Variants in SCRG1 observed in about 807,000 individuals in gnomAD.
The protein encoded by SCRG1 is stimulator of chondrogenesis 1, also known as scrapie-responsive protein 1.
Under a neutral mutation model 7.7 loss-of-function variants are expected in SCRG1, and 3 were observed. That is an observed-to-expected ratio of 0.39 (90% confidence interval 0.18 to 1.01). The LOEUF (loss-of-function observed/expected upper bound fraction) is 1.01. Among genes scored for constraint, SCRG1 ranks in the 50% least tolerant of loss-of-function variants. The pLI is 0.36. For synonymous variants in SCRG1, 46 were observed against 41.2 expected (o/e 1.12, Z -0.44); for missense variants, 110 against 117.2 (o/e 0.94, Z 0.28).
chr4:173,472,215 A>T, the SCRG1 span, among the ~76,000 whole-genome samples: 2 of 152,204 alleles, frequency 1.3e-5, no homozygotes, highest in Admixed American at 1.3e-4. Flanking sequence ...AACTAATAAT[A>T]TGCAAGGTGT....
At chr4:173,486,872 A>G in the SCRG1 span, among the ~76,000 whole-genome samples, 19 of 152,268 alleles carry the variant, frequency 1.2e-4, no homozygotes, top group East Asian at 2.9e-3. Flanking sequence ...GCCCTCTTCC[A>G]GGGTTCCTGT....
At chr4:173,508,475 G>A in the SCRG1 span, among the ~76,000 whole-genome samples, 1 of 152,104 alleles carries the variant, frequency 6.6e-6, no homozygotes. The surrounding 1 kb of genome is among the most constrained non-coding windows in gnomAD (Gnocchi z 4.4). Context: ...CACACATGGA[G>A]GGGTTTGAAC....
chr4:173,452,765 G>T, the SCRG1 span, among the ~76,000 whole-genome samples: 1 of 151,982 alleles, frequency 6.6e-6, no homozygotes, highest in Non-Finnish European at 1.5e-5. Flanking sequence ...AGAGTTTTTT[G>T]CTATGATGAT....
chr4:173,418,663 A>G, the SCRG1 span, among the ~76,000 whole-genome samples: 1 of 151,958 alleles, frequency 6.6e-6, no homozygotes, highest in Admixed American at 6.6e-5. Flanking sequence ...GGGTCTGTAT[A>G]CCCACCCAAA....
chr4:173,405,459 C>A (rs1739876050), intron 1 of SCRG1, among the ~76,000 whole-genome samples: 3 of 152,138 alleles, frequency 2.0e-5, no homozygotes, highest in African/African-American at 4.8e-5. Context: ...TTCCATAGTA[C>A]ACTCTGTGGA....
chr4:173,421,656 C>G, the SCRG1 span, among the ~76,000 whole-genome samples: 6 of 152,242 alleles, frequency 3.9e-5, no homozygotes, highest in Admixed American at 3.3e-4. Context: ...ACCTTTTCTA[C>G]TTCACAACAT....
chr4:173,422,131 T>C, the SCRG1 span, among the ~76,000 whole-genome samples: 2 of 152,338 alleles, frequency 1.3e-5, no homozygotes, highest in Non-Finnish European at 2.9e-5. Flanking sequence ...AAGATTAAGC[T>C]TGCCAAACTT....
chr4:173,419,499 C>T, the SCRG1 span: 2 of 775,856 alleles, frequency 2.6e-6, no homozygotes, highest in Non-Finnish European at 4.4e-6. Flanking sequence ...TTTTCATCTT[C>T]TTCTATTAAG....
intron 1 of SCRG1, among the ~76,000 whole-genome samples, chr4:173,394,810 G>C (rs570457491): frequency 6.6e-6 from 1 of 152,130 alleles, no homozygotes; most frequent in East Asian, 1.9e-4. Flanking sequence ...TTAAATTATA[G>C]TTATTTTAAT....
the SCRG1 span, among the ~76,000 whole-genome samples, chr4:173,443,943 TTGTGTGTGTGTGTGTGTGTGTGTGTG>T: frequency 7.2e-6 from 1 of 138,796 alleles, no homozygotes; most frequent in South Asian, 2.5e-4. Context: ...AGAGCTTGTT[TTGTGTGTGTGTGTGTGTGTGTGTGTG>T]TGTGTGTGTG....
the SCRG1 span, among the ~76,000 whole-genome samples, chr4:173,432,649 G>T: frequency 1.3e-5 from 2 of 152,164 alleles, no homozygotes; most frequent in Non-Finnish European, 1.5e-5. Context: ...GTTCTGTCAG[G>T]TGCCTCCTCC....
At chr4:173,418,814 A>T in the SCRG1 span, among the ~76,000 whole-genome samples, 2 of 151,860 alleles carry the variant, frequency 1.3e-5, no homozygotes, top group Non-Finnish European at 2.9e-5. Flanking sequence ...AGTGTGTAAC[A>T]CTTCCCCCTT....
chr4:173,389,140 A>T (rs1038476129), intron 2 of SCRG1, among the ~76,000 whole-genome samples: 2 of 152,234 alleles, frequency 1.3e-5, no homozygotes, highest in Non-Finnish European at 2.9e-5. Flanking sequence ...CTGTCACTTC[A>T]TGAGATTAAT....
intron 1 of SCRG1, among the ~76,000 whole-genome samples, chr4:173,392,666 A>G (rs1046067611): frequency 4.6e-5 from 7 of 152,250 alleles, no homozygotes. Context: ...GAAGAATAGC[A>G]AAATAGTGGA....
At chr4:173,483,744 A>G in the SCRG1 span, among the ~76,000 whole-genome samples, 2 of 39,872 alleles carry the variant, frequency 5.0e-5, no homozygotes, top group African/African-American at 2.1e-4. Context: ...TATATGATAT[A>G]TTATATGTGA....
the SCRG1 span, among the ~76,000 whole-genome samples, chr4:173,452,865 A>G: frequency 6.6e-6 from 1 of 152,250 alleles, no homozygotes; most frequent in East Asian, 1.9e-4. Context: ...ATGTTAAGAA[A>G]TACAATACAG....
the SCRG1 span, among the ~76,000 whole-genome samples, chr4:173,497,486 C>T: frequency 6.6e-6 from 1 of 151,916 alleles, no homozygotes; most frequent in Non-Finnish European, 1.5e-5. Context: ...ATGACTGTTT[C>T]TCTGAAATAC....
the SCRG1 span, among the ~76,000 whole-genome samples, chr4:173,490,205 G>A: frequency 6.6e-6 from 1 of 152,108 alleles, no homozygotes; most frequent in Non-Finnish European, 1.5e-5. Flanking sequence ...CAGGCTGCAG[G>A]ACATGAAACA....
At chr4:173,411,071 A>G (rs1370317309), upstream of SCRG1, among the ~76,000 whole-genome samples, 1 of 152,206 alleles carries the variant, frequency 6.6e-6, no homozygotes, top group Non-Finnish European at 1.5e-5. Context: ...AGCTCCATCT[A>G]TCATTATTAG....
Sources: allele counts gnomAD v4.1 joint callset (sites outside exome capture counted in the v4.1 genomes callset), GRCh38; gene constraint gnomAD v4.1.1; non-coding constraint Gnocchi (gnomAD v3.1); transcripts MANE v1.5; gene names NCBI Gene and HGNC (gene_info 2026-07-23, HGNC 2026-07-21).